Variants in TTBK2 observed in about 807,000 individuals in gnomAD.
TTBK2 encodes tau-tubulin kinase 2.
Under a neutral mutation model 110.8 loss-of-function variants are expected in TTBK2, and 28 were observed. The observed-to-expected ratio is 0.25, with a 90% confidence interval of 0.19 to 0.35. The LOEUF (loss-of-function observed/expected upper bound fraction) is 0.35, where lower values mean the gene tolerates loss of function less well. Among genes scored for constraint, TTBK2 ranks in the 10% least tolerant of loss-of-function variants. The probability of loss-of-function intolerance (pLI) is 1.00; values close to 1 mark genes in which losing one functional copy is unlikely to be tolerated. For synonymous variants in TTBK2, 532 were observed against 527.3 expected, an observed-to-expected ratio of 1.01 and a Z score of -0.12; for missense variants, 1,369 against 1,500.3, an observed-to-expected ratio of 0.91 and a Z score of 1.45.
rs77337431 is a variant in TTBK2 at position 42,909,774 on chromosome 15, G to A, written c.-68+10664C>T. Among the ~76,000 whole-genome samples the A allele has an allele frequency of 7.4e-3, 1,126 of 152,124 alleles. 12 individuals are homozygous for A. Among genetic ancestry groups the A allele is most frequent in the African/African-American group, 0.024 (992 of 41,496 alleles). ...CCAAAAATAAGCAAAACTAAACTAC[G>A]TTAAATGGAGATGCAAACATAGATA... On this transcript the variant is annotated intron_variant, in intron 1 of 14. Transcript: ENST00000267890.
At chr15:42,900,801 T>G (rs1406220670) in intron 1 of TTBK2, among the ~76,000 whole-genome samples, 1 of 152,126 alleles carries the variant, frequency 6.6e-6, no homozygotes, top group East Asian at 1.9e-4. Context: ...TTTTGTAAAT[T>G]TACTACAGAA....
rs1387519280 is a variant in TTBK2 at position 42,745,886 on chromosome 15, C to A, written c.3644G>T (p.Gly1215Val). The change falls in exon 15 of 15, where the codon GGC becomes GTC. Residue 1215 changes from glycine to valine, a missense_variant. By Grantham distance (109) the Gly-to-Val change is moderately radical. Around this residue, in one of 4 missense-constraint regions of TTBK2, gnomAD observed 1,097 missense variants for 1,114.7 expected, o/e 0.98. Coordinates refer to ENST00000267890, the MANE Select transcript of TTBK2 (RefSeq NM_173500.4). The stretch of plus-strand genomic sequence containing the variant: ...GTGGAGGCTGCCGGATCCTTTCAGG[C>A]CATTCTTGCTGGGTTTGCAATGCTC... ...QQEHCKPSKN[G>V]LKGSGSLHHH... The A allele has an allele frequency of 4.3e-6, 7 of 1,613,956 alleles. No homozygotes were observed. The South Asian group carries it at 5.5e-5, about 13-fold the overall frequency.
chr15:42,878,477 AC>A (rs1181148036), intron 2 of TTBK2, 71 bp downstream of exon 2: 34 of 1,581,308 alleles, frequency 2.2e-5, no homozygotes, highest in Non-Finnish European at 2.6e-5. Context: ...ACCAAAAATT[AC>A]CCCCCGATAT....
chr15:42,766,256 T>G (rs1301190081), intron 13 of TTBK2, among the ~76,000 whole-genome samples: 1 of 151,668 alleles, frequency 6.6e-6, no homozygotes, highest in African/African-American at 2.4e-5. Context: ...CAGGATCAAA[T>G]GCACACATAA....
intron 13 of TTBK2, among the ~76,000 whole-genome samples, chr15:42,765,667 G>C (rs1423602844): frequency 6.6e-6 from 1 of 152,192 alleles, no homozygotes; most frequent in Non-Finnish European, 1.5e-5. Flanking sequence ...GTGATGGGGA[G>C]AATGGAACCA....
chr15:42,819,729 G>A (rs1160202729), intron 6 of TTBK2, among the ~76,000 whole-genome samples: 1 of 152,196 alleles, frequency 6.6e-6, no homozygotes, highest in Non-Finnish European at 1.5e-5. Context: ...TAAGGTTGGA[G>A]AGTTCTCTTT....
At chr15:42,791,408 CT>C (rs753774848) in intron 10 of TTBK2, among the ~76,000 whole-genome samples, 1 of 152,194 alleles carries the variant, frequency 6.6e-6, no homozygotes, top group Non-Finnish European at 1.5e-5. Flanking sequence ...CTCCAACAAC[CT>C]GACTGTTATT....
At chr15:42,876,202 T>C (rs1361994043) in intron 2 of TTBK2, among the ~76,000 whole-genome samples, 1 of 152,230 alleles carries the variant, frequency 6.6e-6, no homozygotes, top group African/African-American at 2.4e-5. Context: ...TAGTTTGTTA[T>C]ATAACAATAA....
chr15:42,890,364 C>T (rs1201157268), intron 1 of TTBK2, among the ~76,000 whole-genome samples: 1 of 152,190 alleles, frequency 6.6e-6, no homozygotes, highest in African/African-American at 2.4e-5. Flanking sequence ...ATAAGCATAT[C>T]CATATGTTGT....
In TTBK2 at chr15:42,752,134, C is replaced by T. The variant is rs769692778; in HGVS notation, c.3112G>A (p.Asp1038Asn). ...GAGATGATGGGTGACAGAAAGCTATCTTCAGCTGACCTACTCAGGTGAGAA... is the reference window on the plus strand; with the variant it reads ...GAGATGATGGGTGACAGAAAGCTATTTTCAGCTGACCTACTCAGGTGAGAA... ...VDSHLSRSAEDSFLSPIISQS... is the reference protein window; with the variant it reads ...VDSHLSRSAENSFLSPIISQS... Residue 1038 changes from aspartate (D) to asparagine (N), a missense_variant, in exon 14 of 15, where the codon GAT (aspartate) becomes AAT (asparagine). Physicochemically the swap from Asp to Asn is conservative, Grantham distance 23. Transcript: ENST00000267890. The T allele has an allele frequency of 1.9e-6, 3 of 1,614,218 alleles. No homozygotes were observed. Among genetic ancestry groups the T allele is most frequent in the Middle Eastern group, 1.6e-4 (1 of 6,062 alleles).
intron 1 of TTBK2, among the ~76,000 whole-genome samples, chr15:42,916,095 G>C (rs1374749174): frequency 6.6e-6 from 1 of 152,218 alleles, no homozygotes; most frequent in East Asian, 1.9e-4. Flanking sequence ...AATTAAGGAA[G>C]TTAAAAAGAG....
At chr15:42,754,080 G>A (rs1021308263) in intron 13 of TTBK2, among the ~76,000 whole-genome samples, 4 of 135,822 alleles carry the variant, frequency 2.9e-5, no homozygotes, top group African/African-American at 1.3e-4. Flanking sequence ...TTTCTCTAAT[G>A]TTTTCTTTTT....
chr15:42,810,338 C>T lies in TTBK2; in HGVS notation c.822+276G>A, dbSNP rs768194927. On this transcript the variant is annotated intron_variant, in intron 9 of 14. Transcript: ENST00000267890. ...AATTTCAACTGTCAGCAGTTCTATACGCCGAATGAATCATGCAGGAATAGG... is the reference window on the plus strand; with the variant it reads ...AATTTCAACTGTCAGCAGTTCTATATGCCGAATGAATCATGCAGGAATAGG... 2.2e-4 allele frequency among the ~76,000 whole-genome samples: 34 copies of T among 152,104 alleles called. 1 individual carries two copies. The highest frequency in any genetic ancestry group is 6.0e-4 in the African/African-American group (25 of 41,414).
At chr15:42,906,259 T>G (rs1244667298) in intron 1 of TTBK2, among the ~76,000 whole-genome samples, 2 of 152,098 alleles carry the variant, frequency 1.3e-5, no homozygotes, top group East Asian at 1.9e-4. Context: ...AACAGTCACA[T>G]TCACAGACAT....
chr15:42,808,951 G>A (rs922693007), intron 9 of TTBK2, among the ~76,000 whole-genome samples: 2 of 152,186 alleles, frequency 1.3e-5, no homozygotes, highest in African/African-American at 4.8e-5. Flanking sequence ...CACAGGGACA[G>A]CATGAATTCA....
At chr15:42,902,685 C>T (rs1473816054) in intron 1 of TTBK2, among the ~76,000 whole-genome samples, 1 of 151,926 alleles carries the variant, frequency 6.6e-6, no homozygotes, top group African/African-American at 2.4e-5. Flanking sequence ...AAAAACAGTG[C>T]GGCAGTTCCT....
At chr15:42,791,221 T>C (rs1206799071) in intron 10 of TTBK2, among the ~76,000 whole-genome samples, 1 of 151,952 alleles carries the variant, frequency 6.6e-6, no homozygotes, top group Non-Finnish European at 1.5e-5. Flanking sequence ...GGTTTCACCA[T>C]ATTGGACAGG....
chr15:42,885,849 TC>T (rs1211552813), intron 1 of TTBK2, among the ~76,000 whole-genome samples: 4 of 152,116 alleles, frequency 2.6e-5, no homozygotes, highest in Non-Finnish European at 5.9e-5. Context: ...CCTCTTCAAC[TC>T]TCGCCTGACC....
intron 4 of TTBK2, among the ~76,000 whole-genome samples, chr15:42,832,974 C>T (rs1245457041): frequency 6.6e-6 from 1 of 151,948 alleles, no homozygotes; most frequent in Non-Finnish European, 1.5e-5. Context: ...GACTGATATG[C>T]AGTCATTCAA....
Sources: gnomAD v4.1 joint callset for allele counts (sites outside exome capture counted in the v4.1 genomes callset) on GRCh38, gnomAD v4.1.1 for gene constraint, gnomAD v4.1.1 regional missense constraint, MANE v1.5 for transcripts, NCBI Gene and HGNC (gene_info 2026-07-23, HGNC 2026-07-21) for gene names.